The following POU6F2 variants were observed in gnomAD, a reference collection of about 807,000 sequenced individuals.
POU6F2 encodes POU domain, class 6, transcription factor 2.
A neutral mutation model predicts 71.3 loss-of-function variants in POU6F2; 31 were observed. The ratio of observed to expected loss-of-function variants is 0.43; its 90% CI spans 0.33 to 0.59. POU6F2 has a LOEUF of 0.59. Among genes scored for constraint, POU6F2 ranks in the 20% least tolerant of loss-of-function variants. The pLI, the probability that POU6F2 is intolerant of heterozygous loss-of-function variation, is 0.04. For missense variants in POU6F2, 783 were observed against 856.8 expected (o/e 0.91, Z 1.07); for synonymous variants, 347 against 355.7 (o/e 0.98, Z 0.27).
chr7:39,005,484 C>CTGTGTGTGTGTGTG (rs56984287), intron 1 of POU6F2, among the ~76,000 whole-genome samples: 27,851 of 126,430 alleles, frequency 0.22, 3,438 homozygotes, highest in East Asian at 0.33. Context: ...AGGGAGAAAC[C>CTGTGTGTGTGTGTG]TGTGTGTGTG....
intron 4 of POU6F2, among the ~76,000 whole-genome samples, chr7:39,322,768 A>G (rs985116373): frequency 6.6e-6 from 1 of 152,252 alleles, no homozygotes; most frequent in African/African-American, 2.4e-5. Flanking sequence ...GTACAGTTAT[A>G]TATTTTCAAG....
intron 6 of POU6F2, among the ~76,000 whole-genome samples, chr7:39,415,259 G>T (rs1787647243): frequency 6.6e-6 from 1 of 152,174 alleles, no homozygotes; most frequent in Non-Finnish European, 1.5e-5. Context: ...CTGACCTCAG[G>T]CGATCCACCT....
rs1447507913 is a variant in POU6F2 at position 39,038,736 on chromosome 7, T to G, written c.106-47124T>G. On this transcript the variant is annotated intron_variant, in intron 1 of 9. Coordinates refer to ENST00000518318, the MANE Select transcript of POU6F2 (RefSeq NM_001370959.1). ...ATACCCACTGTAGTTCTTGCTGATA[T>G]CTTAATTAACTCCTACATTCCTCTA... 2.0e-5 allele frequency among the ~76,000 whole-genome samples: 3 copies of G among 152,162 alleles called. No homozygotes were observed. The East Asian group carries it at 5.8e-4, about 29-fold the overall frequency.
chr7:39,015,360 T>A (rs867454048), intron 1 of POU6F2, among the ~76,000 whole-genome samples: 2 of 132,010 alleles, frequency 1.5e-5, no homozygotes, highest in East Asian at 2.1e-4. Context: ...AGATATATAT[T>A]ATATAATATA....
At chr7:39,442,900 C>G (rs934767670) in intron 7 of POU6F2, among the ~76,000 whole-genome samples, 1 of 152,172 alleles carries the variant, frequency 6.6e-6, no homozygotes, top group Non-Finnish European at 1.5e-5. Flanking sequence ...GGGTGATAGA[C>G]TACAGCTGTG....
chr7:39,104,089 C>T (rs1044121210), intron 2 of POU6F2, among the ~76,000 whole-genome samples: 5 of 152,236 alleles, frequency 3.3e-5, no homozygotes, highest in African/African-American at 1.2e-4. Context: ...AGCTGCCGCT[C>T]ATTCCCCCTG....
chr7:39,251,011 G>T (rs1783905674), intron 4 of POU6F2, among the ~76,000 whole-genome samples: 1 of 152,156 alleles, frequency 6.6e-6, no homozygotes, highest in Non-Finnish European at 1.5e-5. Flanking sequence ...AAGATGCTAG[G>T]CTCAAAATTA....
intron 1 of POU6F2, among the ~76,000 whole-genome samples, chr7:39,036,229 C>G (rs1420258677): frequency 1.3e-5 from 2 of 152,098 alleles, no homozygotes; most frequent in Admixed American, 6.5e-5. Context: ...CATCTCTAGA[C>G]TTTTGTGCAG....
chr7:39,190,133 C>A (rs1175590228), intron 2 of POU6F2, among the ~76,000 whole-genome samples: 4 of 151,116 alleles, frequency 2.6e-5, no homozygotes, highest in Non-Finnish European at 5.9e-5. Flanking sequence ...TGAGCTCAAG[C>A]GATCCTCCTG....
At chr7:39,210,243 C>T (rs1392128377) in intron 4 of POU6F2, among the ~76,000 whole-genome samples, 2 of 152,132 alleles carry the variant, frequency 1.3e-5, no homozygotes, top group Non-Finnish European at 2.9e-5. Context: ...CAGCCTGTTA[C>T]CATGTAACAT....
chr7:39,331,500 T>C (rs1785647812), intron 4 of POU6F2, among the ~76,000 whole-genome samples: 1 of 152,088 alleles, frequency 6.6e-6, no homozygotes, highest in African/African-American at 2.4e-5. Context: ...GGTTTTGTTT[T>C]GTTTTGTTTT....
intron 2 of POU6F2, among the ~76,000 whole-genome samples, chr7:39,180,522 A>G (rs890021787): frequency 1.3e-5 from 2 of 152,150 alleles, no homozygotes; most frequent in African/African-American, 4.8e-5. Context: ...TGATGCTCCC[A>G]GGGATTAGCT....
intron 2 of POU6F2, among the ~76,000 whole-genome samples, chr7:39,141,028 A>T (rs1792487691): frequency 6.6e-6 from 1 of 152,152 alleles, no homozygotes; most frequent in South Asian, 2.1e-4. Flanking sequence ...GGCCAGTCTT[A>T]ACGTCAGAAG....
intron 1 of POU6F2, among the ~76,000 whole-genome samples, chr7:39,026,089 G>A (rs895599450): frequency 2.0e-5 from 3 of 152,118 alleles, no homozygotes; most frequent in African/African-American, 7.2e-5. Context: ...TCATTAAAAA[G>A]TCAGGAAACA....
chr7:39,133,351 C>G (rs1176179604), intron 2 of POU6F2, among the ~76,000 whole-genome samples: 1 of 152,166 alleles, frequency 6.6e-6, no homozygotes, highest in African/African-American at 2.4e-5. Context: ...TCAAAAGCAC[C>G]AACATCAATA....
Position 39,255,976 on chromosome 7 carries a change from A to T in POU6F2, c.598+48356A>T, listed in dbSNP as rs76129055. Among the ~76,000 whole-genome samples the T allele has an allele frequency of 2.0e-3, 312 of 152,300 alleles. 1 individual carries two copies. Among genetic ancestry groups the T allele is most frequent in the African/African-American group, 7.2e-3 (298 of 41,558 alleles). On this transcript the variant is annotated intron_variant, in intron 4 of 9. Transcript: ENST00000518318. The stretch of plus-strand genomic sequence containing the variant: ...CTCCACACAGAAGCTACATTAAAAA[A>T]TCACCTAGTAGTAAAGAATAGGGTC...
intron 2 of POU6F2, among the ~76,000 whole-genome samples, chr7:39,174,800 C>T (rs1011576912): frequency 6.6e-6 from 1 of 152,150 alleles, no homozygotes; most frequent in African/African-American, 2.4e-5. Context: ...CCTGATCTCT[C>T]TCTTCTCTGT....
chr7:39,426,139 C>T (rs970941644), intron 6 of POU6F2, among the ~76,000 whole-genome samples: 2 of 152,148 alleles, frequency 1.3e-5, no homozygotes, highest in African/African-American at 4.8e-5. Context: ...CCATCCTGCT[C>T]CAGCTTGCTA....
intron 1 of POU6F2, among the ~76,000 whole-genome samples, chr7:39,071,342 C>G (rs575134006): frequency 1.8e-4 from 28 of 151,982 alleles, no homozygotes; most frequent in Admixed American, 1.8e-3. Context: ...GGTGGTAATG[C>G]GAGCTATGGG....
Sources: allele counts gnomAD v4.1 joint callset (sites outside exome capture counted in the v4.1 genomes callset), GRCh38; gene constraint gnomAD v4.1.1; transcripts MANE v1.5; gene names NCBI Gene and HGNC (gene_info 2026-07-23, HGNC 2026-07-21).